Variants in C10orf67 observed in about 807,000 individuals in gnomAD.
C10orf67 encodes the protein chromosome 10 open reading frame 67, also known as uncharacterized protein C10orf67, mitochondrial.
In C10orf67, 60 loss-of-function variants were observed where a neutral mutation model predicts 35.6. The ratio of observed to expected loss-of-function variants is 1.68; its 90% CI spans 1.37 to 2.09. The LOEUF is 2.09. Among genes scored for constraint, C10orf67 ranks in the 30% most tolerant of loss-of-function variants. The pLI is 0.00. For missense variants in C10orf67, 474 were observed against 330.2 expected, an observed-to-expected ratio of 1.44 and a Z score of -3.38; for synonymous variants, 167 against 115.8, an observed-to-expected ratio of 1.44 and a Z score of -2.84.
chr10:23,286,056 C>T (rs764122132), intron 7 of C10orf67, among the ~76,000 whole-genome samples: 3 of 152,044 alleles, frequency 2.0e-5, no homozygotes, highest in Non-Finnish European at 4.4e-5. Context: ...CTACTCATTT[C>T]TACCAGTGGT....
rs575474242 is a variant in C10orf67, at chr10:23,254,353, G to A, written c.1201-3662C>T. Among the ~76,000 whole-genome samples the A allele has an allele frequency of 4.6e-5, 7 of 152,112 alleles. 1 individual carries two copies. The highest frequency in any genetic ancestry group is 1.7e-4 in the African/African-American group (7 of 41,512). On this transcript the variant is annotated intron_variant, in intron 10 of 15. Transcript: ENST00000636213. ...TTCCCGAGTAGCTGGGATTACAGGT[G>A]CCTGCCACCACCCCTGGCTAATTTT...
intron 8 of C10orf67, among the ~76,000 whole-genome samples, chr10:23,269,631 T>C (rs1470325064): frequency 6.6e-6 from 1 of 152,076 alleles, no homozygotes; most frequent in Non-Finnish European, 1.5e-5. Context: ...GCTCAACTAT[T>C]TACTGTCTAC....
chr10:23,297,603 AG>A (rs1351721486), intron 5 of C10orf67, among the ~76,000 whole-genome samples: 1 of 152,178 alleles, frequency 6.6e-6, no homozygotes, highest in African/African-American at 2.4e-5. Flanking sequence ...TTTTCTACAA[AG>A]GAACTTCCAT....
At position 23,203,146 on chromosome 10, in the gene C10orf67, G is replaced by C. The variant is rs566718705; in HGVS notation, c.*1027C>G. On this transcript the variant is annotated 3_prime_UTR_variant, in exon 16 of 16. Coordinates refer to ENST00000636213, the MANE Select transcript of C10orf67 (RefSeq NM_001371909.1). ...ATTCAGCCAAGGACTGCTAAAACAAGGTGTTGATATATAGCAGCAGATTTA... is the reference window on the plus strand; with the variant it reads ...ATTCAGCCAAGGACTGCTAAAACAACGTGTTGATATATAGCAGCAGATTTA... 6.6e-6 allele frequency: 1 copy of C among 152,346 alleles called. No homozygotes were observed. The highest frequency in any genetic ancestry group is 1.9e-4 in the East Asian group (1 of 5,184). 9.4% of individuals were successfully genotyped at this position (152,346 alleles called of 1,614,324 possible).
At chr10:23,327,686 G>A (rs1169042886) in intron 2 of C10orf67, among the ~76,000 whole-genome samples, 1 of 151,976 alleles carries the variant, frequency 6.6e-6, no homozygotes, top group Non-Finnish European at 1.5e-5. Flanking sequence ...TTATCCGGGC[G>A]TGGTGGCGTG....
At chr10:23,214,843 C>A (rs1176363685) in intron 15 of C10orf67, among the ~76,000 whole-genome samples, 4 of 151,986 alleles carry the variant, frequency 2.6e-5, no homozygotes. Context: ...GACAACATGG[C>A]AAAATCCTGT....
At chr10:23,270,306 A>G (rs764831990) in intron 8 of C10orf67, among the ~76,000 whole-genome samples, 18 of 152,150 alleles carry the variant, frequency 1.2e-4, no homozygotes, top group Non-Finnish European at 1.3e-4. Context: ...AGCCAAGGGA[A>G]GTGGTGAGTG....
At chr10:23,308,578 G>A (rs1844376365) in intron 4 of C10orf67, among the ~76,000 whole-genome samples, 1 of 152,118 alleles carries the variant, frequency 6.6e-6, no homozygotes, top group African/African-American at 2.4e-5. Context: ...ACAGGTCTCT[G>A]TGCCTTTGTA....
chr10:23,307,584 T>A (rs1470283675), intron 4 of C10orf67, among the ~76,000 whole-genome samples: 1 of 151,366 alleles, frequency 6.6e-6, no homozygotes, highest in African/African-American at 2.4e-5. Context: ...TTTTGTGATT[T>A]TATTTATTTA....
chr10:23,333,065 T>G lies in C10orf67; in HGVS notation c.324A>C (p.Ala108=). ...TTCAGAACAAATTCAGATTTACCTG[T>G]GCTAACTTTTGCGTAGATGAACTCA... ...KELSSSTQKL[A]QMMKSLQVDF... is the part of the protein sequence containing the mutation. The change falls in exon 2 of 16, where the codon GCA becomes GCC. Residue 108 remains alanine, a synonymous_variant. Coordinates refer to ENST00000636213, the MANE Select transcript of C10orf67 (RefSeq NM_001371909.1). 4 of 1,611,268 alleles carry G rather than the reference T, an allele frequency of 2.5e-6. No homozygotes were observed. Among genetic ancestry groups the G allele is most frequent in the Non-Finnish European group, 3.4e-6 (4 of 1,179,022 alleles).
intron 8 of C10orf67, among the ~76,000 whole-genome samples, chr10:23,274,322 T>C (rs1205542333): frequency 1.3e-5 from 2 of 152,130 alleles, no homozygotes; most frequent in African/African-American, 4.8e-5. Context: ...TTTACCAGGC[T>C]GGAATTTCCC....
chr10:23,318,032 T>C (rs1468681036), intron 4 of C10orf67: 1 of 144,156 alleles, frequency 6.9e-6, no homozygotes, highest in Non-Finnish European at 1.5e-5. Flanking sequence ...AGTCCAGAAG[T>C]TTAAGGCTAC....
chr10:23,316,107 C>T (rs1459745323), intron 4 of C10orf67, among the ~76,000 whole-genome samples: 19 of 152,202 alleles, frequency 1.2e-4, no homozygotes. Context: ...GTGCTCGGCT[C>T]ATACTACCAG....
rs988151012 is a variant in C10orf67, at chr10:23,316,057, G to A, written c.546+4684C>T. 4.4e-5 allele frequency among the ~76,000 whole-genome samples: 6 copies of A among 135,344 alleles called. No individual in the cohort carries two copies. The South Asian group carries it at 9.4e-4, about 21-fold the overall frequency. The allele number at this position is 135,344 out of a possible 152,430, so 88.8% of individuals were successfully genotyped here. The stretch of plus-strand genomic sequence containing the variant: ...GGCACTTTTGCCTGAGTTTTGCCCA[G>A]GCCTGCTGTGCTCATTCCACCCGCT... On this transcript the variant is annotated intron_variant, in intron 4 of 15. Coordinates refer to ENST00000636213, the MANE Select transcript of C10orf67 (RefSeq NM_001371909.1).
chr10:23,216,978 C>G (rs1841448376), intron 15 of C10orf67, among the ~76,000 whole-genome samples: 1 of 152,136 alleles, frequency 6.6e-6, no homozygotes, highest in African/African-American at 2.4e-5. Flanking sequence ...ATATAATTCT[C>G]TATATTCCCT....
chr10:23,278,502 C>T (rs1588644411), intron 8 of C10orf67, among the ~76,000 whole-genome samples: 1 of 152,272 alleles, frequency 6.6e-6, no homozygotes, highest in African/African-American at 2.4e-5. Context: ...TGAGGGCCAC[C>T]ATGTTAGGTT....
At chr10:23,336,020 A>AT (rs1237798049) in intron 1 of C10orf67, among the ~76,000 whole-genome samples, 2 of 152,180 alleles carry the variant, frequency 1.3e-5, no homozygotes, top group Non-Finnish European at 2.9e-5. Context: ...ACATGGGGCC[A>AT]TAAAAAAAAC....
chr10:23,305,898 A>G (rs774858753), intron 4 of C10orf67, among the ~76,000 whole-genome samples: 2 of 152,134 alleles, frequency 1.3e-5, no homozygotes, highest in African/African-American at 2.4e-5. Flanking sequence ...AGCATTATTC[A>G]CAATAGCCAA....
At chr10:23,252,068 A>G (rs1842468570) in intron 10 of C10orf67, among the ~76,000 whole-genome samples, 1 of 152,182 alleles carries the variant, frequency 6.6e-6, no homozygotes, top group African/African-American at 2.4e-5. Flanking sequence ...TGCTTCCATT[A>G]TATCTGTTTT....
Sources: gnomAD v4.1 joint callset for allele counts (sites outside exome capture counted in the v4.1 genomes callset) on GRCh38, gnomAD v4.1.1 for gene constraint, MANE v1.5 for transcripts, NCBI Gene and HGNC (gene_info 2026-07-23, HGNC 2026-07-21) for gene names.